PRRC2C: variants seen among roughly 807,000 people sequenced by gnomAD.
PRRC2C encodes proline rich coiled-coil 2C.
In PRRC2C, 72 loss-of-function variants were observed where a neutral mutation model predicts 317.2. The ratio of observed to expected loss-of-function variants is 0.23; its 90% CI spans 0.19 to 0.28. The LOEUF is 0.28. PRRC2C is among the 10% of genes least tolerant of loss of function. The probability of loss-of-function intolerance (pLI) is 1.00; values close to 1 mark genes in which losing one functional copy is unlikely to be tolerated. For synonymous variants in PRRC2C, 1,296 were observed against 1,205.9 expected (o/e 1.07, Z -1.55); for missense variants, 3,074 against 3,459.7 (o/e 0.89, Z 2.80).
intron 1 of PRRC2C, among the ~76,000 whole-genome samples, chr1:171,505,228 A>G (rs1029196116): frequency 1.2e-4 from 18 of 152,112 alleles, no homozygotes; most frequent in African/African-American, 3.9e-4. Flanking sequence ...GAGTTTCTCC[A>G]TGTTGGTCAG....
intron 25 of PRRC2C, among the ~76,000 whole-genome samples, chr1:171,575,776 C>A (rs1685600530): frequency 6.6e-6 from 1 of 152,122 alleles, no homozygotes; most frequent in African/African-American, 2.4e-5. Flanking sequence ...AAAGTACACC[C>A]TTTTCCTTTT....
chr1:171,577,770 C>CATA (rs138767556), intron 26 of PRRC2C, 133 bp downstream of exon 26: 95,726 of 328,154 alleles, frequency 0.29, 10,864 homozygotes, highest in African/African-American at 0.45. Context: ...TTTAAATTCG[C>CATA]ATTTTTTTTT....
chr1:171,579,094 G>A (rs1004329533), intron 26 of PRRC2C, among the ~76,000 whole-genome samples: 11 of 152,170 alleles, frequency 7.2e-5, no homozygotes, highest in East Asian at 1.9e-4. Context: ...CAAAATCTGC[G>A]TATCTATACC....
chr1:171,562,535 GAA>G (rs755302549), intron 20 of PRRC2C, among the ~76,000 whole-genome samples: 6 of 152,240 alleles, frequency 3.9e-5, no homozygotes, highest in Admixed American at 2.6e-4. Context: ...AAGGTCATGA[GAA>G]ATAGTTGGTT....
At chr1:171,499,839 A>G (rs1420388711) in intron 1 of PRRC2C, among the ~76,000 whole-genome samples, 7 of 152,202 alleles carry the variant, frequency 4.6e-5, no homozygotes, top group Admixed American at 3.3e-4. Flanking sequence ...GCAAGAAGAG[A>G]CAGAAAAAAA....
intron 23 of PRRC2C, among the ~76,000 whole-genome samples, chr1:171,570,049 G>A (rs1260407994): frequency 1.3e-5 from 2 of 152,074 alleles, no homozygotes; most frequent in African/African-American, 4.8e-5. Context: ...GCATGCAGTT[G>A]TTAGCAGTGT....
intron 15 of PRRC2C, 91 bp downstream of exon 15, chr1:171,537,564 A>G: frequency 8.8e-7 from 1 of 1,136,924 alleles, no homozygotes. Flanking sequence ...CCAATTTAGG[A>G]CTGAAGCATA....
intron 1 of PRRC2C, among the ~76,000 whole-genome samples, chr1:171,495,732 A>AT (rs1258536012): frequency 6.6e-6 from 1 of 152,124 alleles, no homozygotes; most frequent in Admixed American, 6.5e-5. Context: ...GGGCTTTTTT[A>AT]TTTTAAATGG....
chr1:171,515,888 T>C, intron 5 of PRRC2C, 29 bp downstream of exon 5: 1 of 1,559,600 alleles, frequency 6.4e-7, no homozygotes, highest in Non-Finnish European at 8.7e-7. Context: ...TAATACAAAA[T>C]GAGATCATAT....
intron 10 of PRRC2C, 65 bp from the exon 11 acceptor site, chr1:171,527,726 A>G: frequency 2.9e-6 from 4 of 1,388,510 alleles, no homozygotes; most frequent in Non-Finnish European, 4.0e-6. Flanking sequence ...ACTGCACTCC[A>G]GCATGGGCAA....
At chr1:171,560,540 C>G (rs994098216) in intron 19 of PRRC2C, among the ~76,000 whole-genome samples, 3 of 152,200 alleles carry the variant, frequency 2.0e-5, no homozygotes, top group Admixed American at 2.0e-4. Flanking sequence ...GCCATGCTAG[C>G]TTTCAGCAAA....
At chr1:171,558,710 C>G (rs1301918806) in intron 19 of PRRC2C, among the ~76,000 whole-genome samples, 1 of 140,442 alleles carries the variant, frequency 7.1e-6, no homozygotes, top group African/African-American at 2.7e-5. Flanking sequence ...TCTACCTCTC[C>G]TGGACCTCCC....
In PRRC2C at chr1:171,576,694, T is replaced by G. The variant is rs138415431; in HGVS notation, c.6956-740T>G. On this transcript the variant is annotated intron_variant, in intron 25 of 34. Transcript: ENST00000647382. ...GTTAGTTGTTTTTGGAGTTGTGTGG[T>G]TTTTTTTGTTTTTTAAGAGTTGATG... is the stretch of plus-strand genomic sequence containing the variant. Among the ~76,000 whole-genome samples, 391 of 151,544 alleles carry G rather than the reference T, an allele frequency of 2.6e-3. 1 individual carries two copies. Among genetic ancestry groups the G allele is most frequent in the African/African-American group, 8.7e-3 (361 of 41,392 alleles).
At chr1:171,576,913 T>C (rs1685793977) in intron 25 of PRRC2C, among the ~76,000 whole-genome samples, 2 of 152,182 alleles carry the variant, frequency 1.3e-5, no homozygotes, top group South Asian at 4.1e-4. Context: ...GGTCTTATAC[T>C]CCTGGCCTCA....
chr1:171,584,338 T>A lies in PRRC2C; in HGVS notation c.7642-81T>A, dbSNP rs533692898. 6.5e-6 allele frequency: 9 copies of A among 1,386,528 alleles called. No homozygotes were observed. In the African/African-American group the frequency reaches 1.3e-4, roughly 20 times the overall value. 85.9% of individuals were successfully genotyped at this position (1,386,528 alleles called of 1,614,324 possible). A position where few individuals can be genotyped will look rare whatever the true frequency, so the allele number is the denominator to read the frequency against. On this transcript the variant is annotated intron_variant, in intron 29 of 34. Coordinates refer to ENST00000647382, the MANE Select transcript of PRRC2C (RefSeq NM_001387844.1). ...TCTAATACTAAAAATTGCTAGACAT[T>A]GCTTTGAAGTCATAATCTCCACCTC...
intron 22 of PRRC2C, 124 bp downstream of exon 22, chr1:171,566,967 G>T: frequency 1.9e-6 from 2 of 1,070,942 alleles, no homozygotes; most frequent in East Asian, 5.4e-5. Flanking sequence ...GATTATTTCC[G>T]CAAAGAAGAT....
chr1:171,502,915 G>T (rs552787445), intron 1 of PRRC2C, among the ~76,000 whole-genome samples: 17 of 152,184 alleles, frequency 1.1e-4, no homozygotes, highest in Non-Finnish European at 2.1e-4. Flanking sequence ...TAGAGATGAG[G>T]TTTCACCATG....
chr1:171,537,534 T>C (rs1424712458), intron 15 of PRRC2C, 61 bp downstream of exon 15: 2 of 1,405,546 alleles, frequency 1.4e-6, no homozygotes, highest in African/African-American at 2.9e-5. Context: ...GAAAACTGTG[T>C]AGTGTTTCTG....
rs147534952 is a variant in PRRC2C, at chr1:171,540,315, A to G, written c.2849A>G (p.Lys950Arg). The change falls in exon 16 of 35, where the codon AAA (lysine) becomes AGA (arginine). Residue 950 changes from lysine to arginine, a missense_variant. Lys to Arg is a conservative substitution (Grantham distance 26). Around this residue, in one of 11 missense-constraint regions of PRRC2C, gnomAD observed 1,320 missense variants for 1,395.7 expected, o/e 0.95. Coordinates refer to ENST00000647382, the MANE Select transcript of PRRC2C (RefSeq NM_001387844.1). ...AGTGAACCATCTGCAGGCATTCCTA[A>G]AGTAACCAGCAGATGCATTGATTCA... ...QRSEPSAGIPKVTSRCIDSKE... is the reference protein window; with the variant it reads ...QRSEPSAGIPRVTSRCIDSKE... The G allele has an allele frequency of 1.7e-4, 278 of 1,613,642 alleles. No individual in the cohort carries two copies. Among genetic ancestry groups the G allele is most frequent in the Non-Finnish European group, 2.2e-4 (264 of 1,179,814 alleles).
Sources: allele counts gnomAD v4.1 joint callset (sites outside exome capture counted in the v4.1 genomes callset), GRCh38; gene constraint gnomAD v4.1.1; regional missense constraint gnomAD v4.1.1; transcripts MANE v1.5; gene names NCBI Gene and HGNC (gene_info 2026-07-23, HGNC 2026-07-21).